RHBDD1: variants seen among roughly 807,000 people sequenced by gnomAD.
RHBDD1 encodes rhomboid domain containing 1.
A neutral mutation model predicts 36.3 loss-of-function variants in RHBDD1; 38 were observed. The ratio of observed to expected loss-of-function variants is 1.05; its 90% CI spans 0.81 to 1.37. The LOEUF (loss-of-function observed/expected upper bound fraction) is 1.37. Ranked by LOEUF, RHBDD1 falls within the 40% of genes most tolerant of loss-of-function variation. The pLI, the probability that RHBDD1 is intolerant of heterozygous loss-of-function variation, is 0.00. For synonymous variants in RHBDD1, 151 were observed against 136.5 expected (o/e 1.11, Z -0.74); for missense variants, 393 against 377.6 (o/e 1.04, Z -0.34).
rs1219748669 is a variant in RHBDD1, at chr2:226,996,388, C to T, written c.*866C>T. The T allele has an allele frequency of 6.6e-6, 1 of 152,230 alleles. No homozygotes were observed. The allele number at this position is 152,230 out of a possible 1,614,324, so 9.4% of individuals were successfully genotyped here. ...CTCATAAAAGTGCCTCTTAATTGGC[C>T]ATTGTACCAGCCACTTGTCCTAGCC... On this transcript the variant is annotated 3_prime_UTR_variant, in exon 9 of 9. Transcript: ENST00000392062.
chr2:226,832,953 G>A (rs912709986), upstream of RHBDD1, among the ~76,000 whole-genome samples: 26 of 152,152 alleles, frequency 1.7e-4, 2 homozygotes, highest in Non-Finnish European at 1.5e-5. Flanking sequence ...AGAGGTTGCA[G>A]TGAGCCAAGA....
chr2:226,926,122 G>A (rs760176525), intron 8 of RHBDD1, among the ~76,000 whole-genome samples: 20 of 151,866 alleles, frequency 1.3e-4, no homozygotes, highest in Non-Finnish European at 2.6e-4. Flanking sequence ...GCTCACGCCT[G>A]TAATCCCAGC....
At chr2:226,879,759 G>A (rs1431007770) in intron 5 of RHBDD1, among the ~76,000 whole-genome samples, 2 of 152,128 alleles carry the variant, frequency 1.3e-5, no homozygotes, top group Non-Finnish European at 2.9e-5. Flanking sequence ...AAATAAGCAA[G>A]TGACATATAA....
chr2:226,897,004 T>G (rs1947151261), intron 5 of RHBDD1, among the ~76,000 whole-genome samples: 1 of 152,164 alleles, frequency 6.6e-6, no homozygotes, highest in African/African-American at 2.4e-5. Flanking sequence ...GGTTTCACCA[T>G]GTTGACCAGG....
chr2:226,821,973 G>A, the RHBDD1 span, among the ~76,000 whole-genome samples: 1 of 152,054 alleles, frequency 6.6e-6, no homozygotes, highest in South Asian at 2.1e-4. Context: ...TTATAGTTGA[G>A]AAAATTAAGT....
At chr2:226,995,369 T>A in intron 8 of RHBDD1, 62 bp from the exon 9 acceptor site, 1 of 1,006,414 alleles carries the variant, frequency 9.9e-7, no homozygotes, top group Non-Finnish European at 1.6e-6. Context: ...CTTGGAATCC[T>A]AGGGTACACA....
At chr2:226,981,569 TACAC>T (rs3055611) in intron 8 of RHBDD1, among the ~76,000 whole-genome samples, 3 of 150,168 alleles carry the variant, frequency 2.0e-5, no homozygotes, top group Admixed American at 6.6e-5. Flanking sequence ...TGCACACACA[TACAC>T]ACACACACAC....
intron 8 of RHBDD1, among the ~76,000 whole-genome samples, chr2:226,969,632 C>G (rs928168634): frequency 6.6e-6 from 1 of 152,082 alleles, no homozygotes; most frequent in Non-Finnish European, 1.5e-5. Context: ...GACTTCTTTC[C>G]TTTTCAGAAC....
At chr2:226,867,606 C>A (rs1275855200) in intron 5 of RHBDD1, 1 of 985,170 alleles carries the variant, frequency 1.0e-6, no homozygotes, top group Non-Finnish European at 1.2e-6. Flanking sequence ...TATTAACCAG[C>A]CAATCAGCTG....
intron 5 of RHBDD1, among the ~76,000 whole-genome samples, chr2:226,889,242 A>G (rs555240859): frequency 2.0e-5 from 3 of 152,278 alleles, no homozygotes; most frequent in South Asian, 2.1e-4. Context: ...GTTGTCACCC[A>G]TTCGGCTAGA....
intron 8 of RHBDD1, among the ~76,000 whole-genome samples, chr2:226,960,386 C>T (rs1054706653): frequency 6.6e-6 from 1 of 152,202 alleles, no homozygotes; most frequent in Non-Finnish European, 1.5e-5. Flanking sequence ...TCACATCCAG[C>T]TTACTCTGTG....
Position 226,998,052 on chromosome 2 carries a change from GTTTA to G in RHBDD1, c.*2537_*2540del, listed in dbSNP as rs1959902983. ...CACTTAGAGCTAATTTTTTAATTTG[GTTTA>G]TTTATTAGTAGCTCCCTGATTGTCT... On this transcript the variant is annotated 3_prime_UTR_variant, in exon 9 of 9. Transcript: ENST00000392062. 6.6e-6 allele frequency: 1 copy of G among 152,150 alleles called. No homozygotes were observed. Among genetic ancestry groups the G allele is most frequent in the Non-Finnish European group, 1.5e-5 (1 of 68,028 alleles). The allele number at this position is 152,150 out of a possible 1,614,324, so 9.4% of individuals were successfully genotyped here.
At chr2:226,969,445 A>G (rs1257070770) in intron 8 of RHBDD1, among the ~76,000 whole-genome samples, 1 of 126,542 alleles carries the variant, frequency 7.9e-6, no homozygotes, top group Non-Finnish European at 1.6e-5. Flanking sequence ...GATGCTTGAG[A>G]TATTAGGGGT....
chr2:226,968,277 A>G (rs916580494), intron 8 of RHBDD1, among the ~76,000 whole-genome samples: 4 of 152,200 alleles, frequency 2.6e-5, no homozygotes, highest in African/African-American at 4.8e-5. Flanking sequence ...ATTAAGAGCT[A>G]TTATTGCAAG....
chr2:226,930,493 A>G (rs1949959056), intron 8 of RHBDD1, among the ~76,000 whole-genome samples: 1 of 151,864 alleles, frequency 6.6e-6, no homozygotes. Context: ...AAAAAATTAA[A>G]ATCAATTAGA....
the RHBDD1 span, among the ~76,000 whole-genome samples, chr2:226,814,405 C>A: frequency 6.6e-6 from 1 of 151,982 alleles, no homozygotes; most frequent in African/African-American, 2.4e-5. Context: ...CTTTGAGGGC[C>A]CACATGGATG....
intron 8 of RHBDD1, among the ~76,000 whole-genome samples, chr2:226,922,454 A>G (rs6705156): frequency 0.71 from 107,677 of 151,748 alleles, 39,415 homozygotes; most frequent in African/African-American, 0.9. Flanking sequence ...TGATCCGCCC[A>G]CCTCGGCCTC....
chr2:226,820,640 T>C, the RHBDD1 span, among the ~76,000 whole-genome samples: 3 of 86,168 alleles, frequency 3.5e-5, no homozygotes, highest in African/African-American at 4.7e-5. Context: ...AGACTCCATC[T>C]CCACAAAAAA....
chr2:226,809,974 G>T, the RHBDD1 span, among the ~76,000 whole-genome samples: 3 of 152,096 alleles, frequency 2.0e-5, no homozygotes, highest in East Asian at 3.9e-4. Context: ...CCATGTCATT[G>T]GTGGGACACA....
Sources: gnomAD v4.1 joint callset for allele counts (sites outside exome capture counted in the v4.1 genomes callset) on GRCh38, gnomAD v4.1.1 for gene constraint, MANE v1.5 for transcripts, NCBI Gene and HGNC (gene_info 2026-07-23, HGNC 2026-07-21) for gene names.